Variants in TG observed in about 807,000 individuals in gnomAD.
TG encodes the protein thyroid hormones.
TG carries 270 observed loss-of-function variants against 324.7 expected under a neutral mutation model. The ratio of observed to expected loss-of-function variants is 0.83; its 90% CI spans 0.75 to 0.92. TG has a LOEUF of 0.92. Among genes scored for constraint, TG ranks in the 40% least tolerant of loss-of-function variants. TG has a pLI of 0.00. For missense variants in TG, 3,591 were observed against 3,456.4 expected (o/e 1.04, Z -0.98); for synonymous variants, 1,401 against 1,327.0 (o/e 1.06, Z -1.21).
At chr8:133,060,143 T>A in intron 41 of TG, 1 of 1,612,536 alleles carries the variant, frequency 6.2e-7, no homozygotes, top group East Asian at 2.2e-5. Flanking sequence ...CAGGGGTGGA[T>A]TTCATGCTGT....
At chr8:132,983,301 G>A (rs1831121395) in intron 34 of TG, 49 bp from the exon 35 acceptor site, 1 of 1,588,876 alleles carries the variant, frequency 6.3e-7, no homozygotes, top group Non-Finnish European at 8.6e-7. Flanking sequence ...TGAACTCGAT[G>A]ATACCATGGG....
At chr8:133,011,452 T>C (rs1834502103) in intron 35 of TG, among the ~76,000 whole-genome samples, 1 of 152,176 alleles carries the variant, frequency 6.6e-6, no homozygotes, top group African/African-American at 2.4e-5. Context: ...CAGTGTCCCT[T>C]ACAGAAAACA....
chr8:133,044,559 A>G (rs1002263151), intron 41 of TG, among the ~76,000 whole-genome samples: 1 of 152,218 alleles, frequency 6.6e-6, no homozygotes, highest in Non-Finnish European at 1.5e-5. Flanking sequence ...AGCCACTGCT[A>G]ACTCCTATAG....
intron 27 of TG, among the ~76,000 whole-genome samples, chr8:132,953,263 G>A (rs981017484): frequency 6.6e-6 from 1 of 152,176 alleles, no homozygotes; most frequent in Non-Finnish European, 1.5e-5. Context: ...CCCTTCCCCA[G>A]GCTGGAGCAG....
intron 23 of TG, among the ~76,000 whole-genome samples, chr8:132,932,833 T>C (rs1228828222): frequency 6.6e-6 from 1 of 152,210 alleles, no homozygotes; most frequent in Admixed American, 6.5e-5. Flanking sequence ...CTGATGGAAA[T>C]GGGACATAGC....
At chr8:133,059,795 C>A (rs1014313902) in intron 41 of TG, among the ~76,000 whole-genome samples, 14 of 152,148 alleles carry the variant, frequency 9.2e-5, no homozygotes, top group African/African-American at 3.4e-4. Flanking sequence ...TGATGTGGAT[C>A]CCATTCCCTT....
intron 41 of TG, among the ~76,000 whole-genome samples, chr8:133,070,658 T>G (rs1275845444): frequency 1.3e-5 from 2 of 152,242 alleles, no homozygotes; most frequent in Admixed American, 6.5e-5. Flanking sequence ...TTTGTCTTTT[T>G]ACTCCCACTC....
chr8:133,010,165 C>T (rs1476993568), intron 35 of TG, among the ~76,000 whole-genome samples: 1 of 152,156 alleles, frequency 6.6e-6, no homozygotes, highest in Non-Finnish European at 1.5e-5. Flanking sequence ...GCCAAGACAT[C>T]TGATTCTCTT....
At position 132,888,636 on chromosome 8, in the gene TG, A is replaced by G. The variant is rs1815785246; in HGVS notation, c.2761+68A>G. 9 of 1,435,348 alleles carry G rather than the reference A, an allele frequency of 6.3e-6. No homozygotes were observed. In the South Asian group the frequency reaches 9.9e-5, roughly 16 times the overall value. The allele number at this position is 1,435,348 out of a possible 1,614,324, so 88.9% of individuals were successfully genotyped here. A position where few individuals can be genotyped will look rare whatever the true frequency, so the allele number is the denominator to read the frequency against. ...GTGTGTGTGTGTATGTGTGTTTAAC[A>G]TATAAAAAAGGATGTCTAGTGGGAG... On this transcript the variant is annotated intron_variant, in intron 10 of 47. Coordinates refer to ENST00000220616, the MANE Select transcript of TG (RefSeq NM_003235.5).
chr8:133,051,507 G>A (rs911758135), intron 41 of TG, among the ~76,000 whole-genome samples: 1 of 152,086 alleles, frequency 6.6e-6, no homozygotes, highest in Non-Finnish European at 1.5e-5. Context: ...CTTATTTCTT[G>A]CAGAATATAA....
At chr8:133,056,509 T>C (rs1841470531) in intron 41 of TG, among the ~76,000 whole-genome samples, 1 of 152,124 alleles carries the variant, frequency 6.6e-6, no homozygotes. Context: ...CCCTGTCCTT[T>C]CCAGGCACAC....
chr8:133,055,649 ACT>A (rs1841308418), intron 41 of TG, among the ~76,000 whole-genome samples: 1 of 152,140 alleles, frequency 6.6e-6, no homozygotes, highest in South Asian at 2.1e-4. Context: ...GTCAGTCTCA[ACT>A]CTCTTAGATG....
chr8:132,944,863 G>T (rs975267353), intron 26 of TG, among the ~76,000 whole-genome samples: 1 of 152,212 alleles, frequency 6.6e-6, no homozygotes, highest in Non-Finnish European at 1.5e-5. Flanking sequence ...AGAGAAGAGG[G>T]AAGGTGATGT....
chr8:133,088,963 T>G (rs140638287), intron 41 of TG, among the ~76,000 whole-genome samples: 18 of 152,372 alleles, frequency 1.2e-4, no homozygotes, highest in African/African-American at 4.3e-4. Flanking sequence ...CCATCTGTGC[T>G]TTAGCTTCCA....
intron 34 of TG, among the ~76,000 whole-genome samples, chr8:132,976,488 G>T (rs1423020521): frequency 6.6e-6 from 1 of 152,210 alleles, no homozygotes; most frequent in Non-Finnish European, 1.5e-5. Flanking sequence ...CATAGAGGAG[G>T]TGTGGAAGCC....
chr8:133,129,563 G>A (rs568035857), intron 45 of TG, among the ~76,000 whole-genome samples: 4 of 151,954 alleles, frequency 2.6e-5, no homozygotes, highest in African/African-American at 7.2e-5. Flanking sequence ...TGGTACAATC[G>A]TGGCTCACTG....
intron 35 of TG, chr8:133,002,707 T>C: frequency 4.2e-6 from 1 of 235,476 alleles, no homozygotes; most frequent in Non-Finnish European, 8.4e-6. Flanking sequence ...GCGCTTCAGT[T>C]GAGCCCAGGT....
rs181219803 is a variant in TG, at chr8:132,950,444, G to A, written c.5401+1501G>A. Among the ~76,000 whole-genome samples, 98 of 152,316 alleles carry A rather than the reference G, an allele frequency of 6.4e-4. 5 individuals carry two copies. In the East Asian group the frequency reaches 0.017, roughly 27 times the overall value. On this transcript the variant is annotated intron_variant, in intron 27 of 47. Coordinates refer to ENST00000220616, the MANE Select transcript of TG (RefSeq NM_003235.5). ...AGACTCTCTCCTGCCTCCCAGGGAA[G>A]CTTCTGAGACTCACACCTTTATATC...
intron 33 of TG, chr8:132,972,247 A>G (rs1046705660): frequency 2.0e-5 from 9 of 451,858 alleles, no homozygotes; most frequent in Non-Finnish European, 3.7e-5. Flanking sequence ...AAGTCACTTA[A>G]TCTCCCTGAG....
Sources: allele counts gnomAD v4.1 joint callset (sites outside exome capture counted in the v4.1 genomes callset), GRCh38; gene constraint gnomAD v4.1.1; transcripts MANE v1.5; gene names NCBI Gene and HGNC (gene_info 2026-07-23, HGNC 2026-07-21).